CLCN7: variants seen among roughly 807,000 people sequenced by gnomAD.
CLCN7 encodes the protein Cl-/H+ antiporter 7.
A neutral mutation model predicts 102.1 loss-of-function variants in CLCN7; 60 were observed. That is an observed-to-expected ratio of 0.59 (90% CI 0.48 to 0.73). CLCN7 has a LOEUF of 0.73. Ranked by LOEUF, CLCN7 falls within the 30% of genes least tolerant of loss-of-function variation. The probability of loss-of-function intolerance (pLI) is 0.00; values close to 1 mark genes in which losing one functional copy is unlikely to be tolerated. For missense variants in CLCN7, 962 were observed against 1,125.7 expected (o/e 0.85, Z 2.08); for synonymous variants, 560 against 490.5 (o/e 1.14, Z -1.87).
At chr16:1,470,653 A>C (rs2039066284) in intron 1 of CLCN7, among the ~76,000 whole-genome samples, 1 of 152,218 alleles carries the variant, frequency 6.6e-6, no homozygotes, top group South Asian at 2.1e-4. Flanking sequence ...GAACCCTCCC[A>C]GGCTGGCAGA....
In CLCN7 at chr16:1,455,179, GT is replaced by G. The variant is rs1451795661; in HGVS notation, c.1052del (p.Asp351AlafsTer45). 6.2e-7 allele frequency: 1 copy of G among 1,613,846 alleles called. No homozygotes were observed. The highest frequency in any genetic ancestry group is 1.7e-5 in the Admixed American group (1 of 60,024). On this transcript the variant is annotated frameshift_variant, in exon 12 of 25. Transcript: ENST00000382745. LOFTEE classifies it high-confidence loss of function. Reference protein sequence around the residue: ...VLSIYHGNMWDLSSPGLINFG... With the variant: ...VLSIYHGNMWXLSSPGLINFG... ...AGTTGATGAGGCCTGGGCTGGACAG[GT>G]CCCACATGTTCCCGTGGTAAATGCT... is the stretch of plus-strand genomic sequence containing the variant.
chr16:1,462,366 T>TAA (rs1491340005), intron 2 of CLCN7, among the ~76,000 whole-genome samples: 1 of 17,770 alleles, frequency 5.6e-5, no homozygotes, highest in African/African-American at 3.1e-4. Context: ...CTCATCTGTC[T>TAA]TTTTTTTTTT....
chr16:1,467,891 C>G (rs1596229388), intron 1 of CLCN7: 1 of 152,204 alleles, frequency 6.6e-6, no homozygotes, highest in African/African-American at 2.4e-5. Context: ...TCAAAGCCAA[C>G]CTGGACAACG....
intron 2 of CLCN7, 110 bp downstream of exon 2, chr16:1,465,157 C>T (rs779533976): frequency 1.7e-5 from 17 of 987,184 alleles, no homozygotes; most frequent in Admixed American, 1.4e-4. Context: ...CCCTGAACCC[C>T]GGCCCTGGGG....
In CLCN7 at chr16:1,460,494, G is replaced by A. The variant is rs1486276846; in HGVS notation, c.518C>T (p.Ser173Phe). The A allele has an allele frequency of 1.9e-6, 3 of 1,613,750 alleles. No individual in the cohort carries two copies. Among genetic ancestry groups the A allele is most frequent in the Non-Finnish European group, 2.5e-6 (3 of 1,179,950 alleles). Reference sequence around the variant, plus strand: ...CGTGGCCCACAGCAACAGGGAGAAGGACAGTCCGCCCTTCTCTGTGAACTT... The same window carrying A: ...CGTGGCCCACAGCAACAGGGAGAAGAACAGTCCGCCCTTCTCTGTGAACTT... ...IDKFTEKGGL[S>F]FSLLLWATLN... The change falls in exon 6 of 25, where the codon TCC (serine) becomes TTC (phenylalanine). Residue 173 changes from serine to phenylalanine, a missense_variant. By Grantham distance (155) the Ser-to-Phe change is radical. Coordinates refer to ENST00000382745, the MANE Select transcript of CLCN7 (RefSeq NM_001287.6).
intron 10 of CLCN7, 134 bp from the exon 11 acceptor site, chr16:1,455,929 G>A: frequency 9.0e-7 from 1 of 1,112,490 alleles, no homozygotes; most frequent in Admixed American, 2.0e-5. Flanking sequence ...CAGCCACACA[G>A]AGAGGGACCC....
chr16:1,452,448 G>T lies in CLCN7; in HGVS notation c.1353+307C>A, dbSNP rs2142374136. 5 of 429,920 alleles carry T rather than the reference G, an allele frequency of 1.2e-5. No homozygotes were observed. The South Asian group carries it at 1.4e-4, about 12-fold the overall frequency. 26.6% of individuals were successfully genotyped at this position (429,920 alleles called of 1,614,324 possible). A position where few individuals can be genotyped will look rare whatever the true frequency, so the allele number is the denominator to read the frequency against. Reference sequence around the variant, plus strand: ...GTGGACGGAGGTTTGCATTTCTCCTGGGTCCACATCTATGGTGCCCCCATA... The same window carrying T: ...GTGGACGGAGGTTTGCATTTCTCCTTGGTCCACATCTATGGTGCCCCCATA... On this transcript the variant is annotated intron_variant, in intron 15 of 24. Transcript: ENST00000382745.
At chr16:1,460,747 C>G in intron 5 of CLCN7, 69 bp downstream of exon 5, 1 of 1,611,022 alleles carries the variant, frequency 6.2e-7, no homozygotes, top group Non-Finnish European at 8.5e-7. Flanking sequence ...GGGCTCAGGA[C>G]TTCTGCCCGG....
At chr16:1,464,721 C>G (rs567108087) in intron 2 of CLCN7, among the ~76,000 whole-genome samples, 32 of 152,354 alleles carry the variant, frequency 2.1e-4, no homozygotes, top group African/African-American at 6.7e-4. Flanking sequence ...CAACAGGAGT[C>G]CCGCACAGAC....
intron 16 of CLCN7, 133 bp downstream of exon 16, chr16:1,451,490 C>T: frequency 1.4e-6 from 1 of 707,392 alleles, no homozygotes; most frequent in South Asian, 1.6e-5. Context: ...AGGAGTGAGT[C>T]CCTGCTATGA....
At chr16:1,460,591 C>G in intron 5 of CLCN7, 64 bp from the exon 6 acceptor site, 2 of 1,406,188 alleles carry the variant, frequency 1.4e-6, no homozygotes, top group Admixed American at 1.7e-5. Context: ...GACCTCAGCC[C>G]TGCCCCACAG....
At position 1,448,764 on chromosome 16, in the gene CLCN7, G is replaced by T; in HGVS notation, c.1800C>A (p.Gly600=). Residue 600 remains glycine (G), a splice_region_variant and synonymous_variant, in exon 20 of 25, where the codon GGC becomes GGA. Transcript: ENST00000382745. ...AKIVGDVFIE[G]LYDMHIQLQS... Reference sequence around the variant, plus strand: ...GCAGCTGAATGTGCATGTCGTACAGGCCCTGCGGGCGGGGCGGGAACACAG... The same window carrying T: ...GCAGCTGAATGTGCATGTCGTACAGTCCCTGCGGGCGGGGCGGGAACACAG... 6.2e-7 allele frequency: 1 copy of T among 1,611,656 alleles called. No homozygotes were observed.
intron 1 of CLCN7, among the ~76,000 whole-genome samples, chr16:1,471,240 C>T (rs2039073698): frequency 6.6e-6 from 1 of 152,206 alleles, no homozygotes; most frequent in Non-Finnish European, 1.5e-5. Flanking sequence ...GTTTGGCCAG[C>T]TGTGCCCACG....
Position 1,457,708 on chromosome 16 carries a change from G to A in CLCN7, c.724C>T (p.Leu242=), listed in dbSNP as rs1252659356. 1 of 1,613,868 alleles carries A rather than the reference G, an allele frequency of 6.2e-7. No individual in the cohort carries two copies. The highest frequency in any genetic ancestry group is 1.1e-5 in the South Asian group (1 of 91,092). The part of the protein sequence containing the change: ...SGVILSVVGG[L]AVGKEGPMIH... ...CACTTTGTTACCTTTCCCACGGCCA[G>A]GCCCCCGACCACGGACAGGATCACA... Residue 242 remains leucine, a synonymous_variant, in exon 8 of 25, where the codon CTG becomes TTG. Coordinates refer to ENST00000382745, the MANE Select transcript of CLCN7 (RefSeq NM_001287.6). The surrounding 1 kb of genome is among the most constrained non-coding windows in gnomAD (Gnocchi z 5.4).
intron 1 of CLCN7, among the ~76,000 whole-genome samples, chr16:1,468,731 AC>A (rs2039038068): frequency 2.0e-5 from 2 of 100,504 alleles, no homozygotes; most frequent in African/African-American, 7.8e-5. Context: ...AATAGCCTGC[AC>A]CCCCTTCCTG....
chr16:1,460,849 G>C lies in CLCN7; in HGVS notation c.451C>G (p.Leu151Val), dbSNP rs1323190910. Residue 151 changes from leucine (L) to valine (V), a missense_variant, in exon 5 of 25, where the codon CTG (leucine) becomes GTG (valine). Coordinates refer to ENST00000382745, the MANE Select transcript of CLCN7 (RefSeq NM_001287.6). ...ACFIDIVVEN[L>V]AGLKYRVIKG... The stretch of plus-strand genomic sequence containing the variant: ...ATGACCCTGTACTTGAGGCCAGCCA[G>C]GTTTTCCACCACGATGTCAATGAAG... 6.2e-7 allele frequency: 1 copy of C among 1,613,940 alleles called. No homozygotes were observed. The highest frequency in any genetic ancestry group is 8.5e-7 in the Non-Finnish European group (1 of 1,179,970).
chr16:1,456,659 C>G (rs1296266190), intron 9 of CLCN7, among the ~76,000 whole-genome samples: 1 of 151,990 alleles, frequency 6.6e-6, no homozygotes, highest in Non-Finnish European at 1.5e-5. Context: ...GCCAACATGG[C>G]AAAACCCCAT....
intron 2 of CLCN7, among the ~76,000 whole-genome samples, chr16:1,464,149 A>C (rs973643290): frequency 2.0e-5 from 3 of 152,174 alleles, no homozygotes; most frequent in African/African-American, 7.2e-5. Context: ...AACGGGAGAA[A>C]ACTTCTATAA....
rs762913626 is a variant in CLCN7 at position 1,460,576 on chromosome 16, G to A, written c.485-49C>T. ...GCTGCTTCCCCGTCATGACCACCCA[G>A]CCCAGACCTCAGCCCTGCCCCACAG... On this transcript the variant is annotated intron_variant, in intron 5 of 24. Transcript: ENST00000382745. 7 of 1,462,096 alleles carry A rather than the reference G, an allele frequency of 4.8e-6. No individual in the cohort carries two copies. In the South Asian group the frequency reaches 5.7e-5, roughly 12 times the overall value. 90.6% of individuals were successfully genotyped at this position (1,462,096 alleles called of 1,614,324 possible).
Sources: allele counts gnomAD v4.1 joint callset (sites outside exome capture counted in the v4.1 genomes callset), GRCh38; gene constraint gnomAD v4.1.1; non-coding constraint Gnocchi (gnomAD v3.1); transcripts MANE v1.5; gene names NCBI Gene and HGNC (gene_info 2026-07-23, HGNC 2026-07-21).